Variants in TECR observed in about 807,000 individuals in gnomAD.
TECR encodes very-long-chain enoyl-CoA reductase.
Under a neutral mutation model 50.6 loss-of-function variants are expected in TECR, and 19 were observed. That is an observed-to-expected ratio of 0.38 (90% CI 0.26 to 0.55). TECR has a LOEUF of 0.55. TECR is among the 20% of genes least tolerant of loss of function. The pLI, the probability that TECR is intolerant of heterozygous loss-of-function variation, is 0.79. For missense variants in TECR, 313 were observed against 408.3 expected (o/e 0.77, Z 2.01); for synonymous variants, 168 against 163.5 (o/e 1.03, Z -0.21).
intron 1 of TECR, among the ~76,000 whole-genome samples, chr19:14,557,697 C>A (rs1222242514): frequency 6.6e-6 from 1 of 151,654 alleles, no homozygotes; most frequent in Non-Finnish European, 1.5e-5. Context: ...GGTAACCCGC[C>A]CACCTTGGCC....
intron 1 of TECR, 86 bp from the exon 2 acceptor site, chr19:14,562,439 G>T: frequency 2.0e-6 from 3 of 1,516,384 alleles, no homozygotes; most frequent in Non-Finnish European, 2.7e-6. Context: ...GCCACCCCAG[G>T]CCTCCTCCCT....
intron 1 of TECR, among the ~76,000 whole-genome samples, chr19:14,537,785 C>A (rs1009104399): frequency 1.5e-5 from 2 of 136,234 alleles, no homozygotes; most frequent in African/African-American, 5.5e-5. Context: ...TCGCTCTTGT[C>A]CCCTAGGCTG....
intron 1 of TECR, 111 bp from the exon 2 acceptor site, chr19:14,562,414 T>C: frequency 6.9e-6 from 8 of 1,163,014 alleles, no homozygotes; most frequent in Non-Finnish European, 1.0e-5. Context: ...GAACTTGAGC[T>C]TGTTGGCCCG....
chr19:14,529,897 A>G (rs2072557311), intron 1 of TECR, 186 bp downstream of exon 1: 2 of 825,082 alleles, frequency 2.4e-6, no homozygotes, highest in Admixed American at 2.4e-5. Flanking sequence ...CGCAGGAAGT[A>G]TTTATAAATC....
chr19:14,538,766 C>T (rs556065302), intron 1 of TECR, among the ~76,000 whole-genome samples: 2 of 151,478 alleles, frequency 1.3e-5, no homozygotes, highest in South Asian at 2.1e-4. Context: ...CTCCTGACCT[C>T]GTGATCCACC....
chr19:14,548,353 G>C (rs925213406), intron 1 of TECR, among the ~76,000 whole-genome samples: 1 of 151,986 alleles, frequency 6.6e-6, no homozygotes, highest in African/African-American at 2.4e-5. Flanking sequence ...TGGCAGTTCC[G>C]GCCTGTTTGT....
chr19:14,565,571 C>T, intron 11 of TECR, 47 bp from the exon 12 acceptor site: 2 of 1,587,314 alleles, frequency 1.3e-6, no homozygotes, highest in Non-Finnish European at 1.7e-6. Flanking sequence ...CAGCCACATA[C>T]ACGGGTTGCG....
chr19:14,562,399 G>A (rs2073930349), intron 1 of TECR, 126 bp from the exon 2 acceptor site: 1 of 982,018 alleles, frequency 1.0e-6, no homozygotes, highest in African/African-American at 1.6e-5. Context: ...AGGCGGCATG[G>A]ACTTGAACTT....
At chr19:14,544,244 T>G (rs1206996826) in intron 1 of TECR, among the ~76,000 whole-genome samples, 1 of 151,896 alleles carries the variant, frequency 6.6e-6, no homozygotes, top group Non-Finnish European at 1.5e-5. Flanking sequence ...ACCTCATGTT[T>G]GAGTTCTCCA....
chr19:14,534,984 C>T (rs975329717), intron 1 of TECR, among the ~76,000 whole-genome samples: 1 of 152,086 alleles, frequency 6.6e-6, no homozygotes, highest in Non-Finnish European at 1.5e-5. Context: ...GAAGGGAGGG[C>T]GAGGTGCTGC....
At chr19:14,552,870 G>C (rs896443841) in intron 1 of TECR, among the ~76,000 whole-genome samples, 2 of 152,016 alleles carry the variant, frequency 1.3e-5, no homozygotes, top group African/African-American at 4.8e-5. Flanking sequence ...GTGAGGCCTG[G>C]GTGGCAGTCT....
In TECR at chr19:14,565,602, C is replaced by T. The variant is rs2146638261; in HGVS notation, c.754-16C>T. The stretch of plus-strand genomic sequence containing the variant: ...TTGCGAGGCTGCCCACGCTCACTCT[C>T]CGCCCCTGCCCACAGGTGGGGTCCT... On this transcript the variant is annotated splice_polypyrimidine_tract_variant and intron_variant, in intron 11 of 12. Coordinates refer to ENST00000215567, the MANE Select transcript of TECR (RefSeq NM_138501.6). 1 of 1,608,542 alleles carries T rather than the reference C, an allele frequency of 6.2e-7. No individual in the cohort carries two copies.
intron 1 of TECR, among the ~76,000 whole-genome samples, chr19:14,541,487 A>C (rs1241391929): frequency 6.6e-6 from 1 of 152,206 alleles, no homozygotes; most frequent in Non-Finnish European, 1.5e-5. Context: ...TCTGTTTTCC[A>C]GTCCATCACT....
chr19:14,544,318 C>T (rs2073228648), intron 1 of TECR, among the ~76,000 whole-genome samples: 1 of 152,088 alleles, frequency 6.6e-6, no homozygotes, highest in African/African-American at 2.4e-5. Context: ...CCCTGTAACC[C>T]CTGGCCCTGG....
chr19:14,551,955 C>G (rs1341369588), intron 1 of TECR, among the ~76,000 whole-genome samples: 1 of 118,576 alleles, frequency 8.4e-6, no homozygotes, highest in African/African-American at 3.1e-5. Flanking sequence ...CCCTCTCTCT[C>G]TCTCTCTCTC....
chr19:14,557,276 G>T (rs1333514628), intron 1 of TECR, among the ~76,000 whole-genome samples: 4 of 151,544 alleles, frequency 2.6e-5, no homozygotes, highest in Non-Finnish European at 5.9e-5. Flanking sequence ...GAGTAGCTGG[G>T]ATTACAGGCA....
chr19:14,529,426 T>C (rs2146541118), upstream of TECR: 2 of 612,078 alleles, frequency 3.3e-6, no homozygotes, highest in Non-Finnish European at 5.9e-6. Flanking sequence ...CTACAGGCGT[T>C]CCGCCCCCTT....
intron 1 of TECR, chr19:14,562,294 G>T (rs2073926881): frequency 7.9e-6 from 5 of 630,192 alleles, no homozygotes; most frequent in Non-Finnish European, 1.1e-5. Context: ...CCGGCCCAGG[G>T]CTGCTTCCCG....
chr19:14,529,272 T>C, upstream of TECR: 1 of 335,078 alleles, frequency 3.0e-6, no homozygotes, highest in Non-Finnish European at 5.9e-6. Flanking sequence ...TCACTCAACT[T>C]CTTACCCCGC....
Sources: allele counts gnomAD v4.1 joint callset (sites outside exome capture counted in the v4.1 genomes callset), GRCh38; gene constraint gnomAD v4.1.1; transcripts MANE v1.5; gene names NCBI Gene and HGNC (gene_info 2026-07-23, HGNC 2026-07-21).